The following GRIN2A variants were observed in gnomAD, a reference collection of about 807,000 sequenced individuals.
GRIN2A encodes glutamate receptor ionotropic, NMDA 2A.
In GRIN2A, 22 loss-of-function variants were observed where a neutral mutation model predicts 113.4. The observed-to-expected ratio is 0.19, with a 90% confidence interval of 0.14 to 0.28. The LOEUF (loss-of-function observed/expected upper bound fraction) is 0.28, where lower values mean the gene tolerates loss of function less well. Among genes scored for constraint, GRIN2A ranks in the 10% least tolerant of loss-of-function variants. The pLI is 1.00. For synonymous variants in GRIN2A, 827 were observed against 738.4 expected (o/e 1.12, Z -1.94); for missense variants, 1,502 against 1,887.0 (o/e 0.80, Z 3.78).
chr16:10,152,322 A>G lies in GRIN2A; in HGVS notation c.414+27676T>C, dbSNP rs531799524. On this transcript the variant is annotated intron_variant, in intron 2 of 12. Coordinates refer to ENST00000330684, the MANE Select transcript of GRIN2A (RefSeq NM_001134407.3). ...ATATGGCTGTCCATACGCACCATGT[A>G]CTTGGCCACCTACGTGTCTTTATTC... 4.6e-5 allele frequency among the ~76,000 whole-genome samples: 7 copies of G among 152,318 alleles called. No homozygotes were observed. In the South Asian group the frequency reaches 1.5e-3, roughly 32 times the overall value.
intron 2 of GRIN2A, among the ~76,000 whole-genome samples, chr16:10,105,365 AAC>A (rs1411765806): frequency 6.6e-6 from 1 of 152,210 alleles, no homozygotes; most frequent in Non-Finnish European, 1.5e-5. Context: ...TGGGAAATAG[AAC>A]AGTCACATCT....
At chr16:10,087,276 T>G (rs1331906889) in intron 2 of GRIN2A, among the ~76,000 whole-genome samples, 1 of 152,236 alleles carries the variant, frequency 6.6e-6, no homozygotes, top group African/African-American at 2.4e-5. Context: ...ATGTTATTGT[T>G]CAAATATCTG....
At chr16:9,936,121 G>C (rs1372769359) in intron 3 of GRIN2A, among the ~76,000 whole-genome samples, 2 of 152,194 alleles carry the variant, frequency 1.3e-5, no homozygotes, top group Non-Finnish European at 2.9e-5. Flanking sequence ...CAATGAATAT[G>C]ACAATCTCTA....
intron 10 of GRIN2A, among the ~76,000 whole-genome samples, chr16:9,821,964 T>C (rs2042292647): frequency 6.6e-6 from 1 of 152,204 alleles, no homozygotes; most frequent in Admixed American, 6.5e-5. Context: ...CCTTCTTGGA[T>C]CTTTCTATTT....
At chr16:9,955,881 G>C (rs2045295673) in intron 2 of GRIN2A, among the ~76,000 whole-genome samples, 1 of 152,176 alleles carries the variant, frequency 6.6e-6, no homozygotes. Context: ...CAACAAACCA[G>C]GAAACCCATC....
At chr16:9,900,935 T>C (rs933867092) in intron 3 of GRIN2A, among the ~76,000 whole-genome samples, 13 of 152,336 alleles carry the variant, frequency 8.5e-5, no homozygotes, top group East Asian at 3.9e-4. Flanking sequence ...CACCTGTGCC[T>C]ATGCTGCCAA....
intron 3 of GRIN2A, among the ~76,000 whole-genome samples, chr16:9,914,121 C>T (rs972907418): frequency 6.6e-6 from 1 of 151,416 alleles, no homozygotes; most frequent in African/African-American, 2.4e-5. Flanking sequence ...GATGCAGTTC[C>T]AGTATTAGAA....
In GRIN2A at chr16:9,765,228, C is replaced by G. The variant is rs564595140; in HGVS notation, c.2596-280G>C. Among the ~76,000 whole-genome samples, 4 of 152,322 alleles carry G rather than the reference C, an allele frequency of 2.6e-5. No homozygotes were observed. In the South Asian group the frequency reaches 6.2e-4, roughly 24 times the overall value. The stretch of plus-strand genomic sequence containing the variant: ...AAGGTATCAACCGATGCTCATACAA[C>G]TGTCAATGCCTCAGTGTCTCCAAAG... On this transcript the variant is annotated intron_variant, in intron 12 of 12. Transcript: ENST00000330684.
intron 2 of GRIN2A, among the ~76,000 whole-genome samples, chr16:10,033,041 G>T (rs1204367164): frequency 6.6e-6 from 1 of 152,122 alleles, no homozygotes; most frequent in Non-Finnish European, 1.5e-5. Context: ...TTGCACCTGT[G>T]GGCAAAGTTT....
Position 10,041,045 on chromosome 16 carries a change from T to C in GRIN2A, c.415-102494A>G, listed in dbSNP as rs2047159251. Among the ~76,000 whole-genome samples the C allele has an allele frequency of 4.6e-5, 7 of 152,360 alleles. No homozygotes were observed. In the South Asian group the frequency reaches 1.2e-3, roughly 27 times the overall value. On this transcript the variant is annotated intron_variant, in intron 2 of 12. Coordinates refer to ENST00000330684, the MANE Select transcript of GRIN2A (RefSeq NM_001134407.3). ...GGTTAAGGCACCCCCTCACCTCCAA[T>C]ACACAGGTGGTGGTCTGAGTGGGTA...
chr16:9,850,733 A>T (rs2042868738), intron 4 of GRIN2A, among the ~76,000 whole-genome samples: 1 of 152,116 alleles, frequency 6.6e-6, no homozygotes, highest in South Asian at 2.1e-4. Flanking sequence ...CACAGAGGGG[A>T]GACTGTCACT....
At chr16:10,147,445 A>T (rs1263940600) in intron 2 of GRIN2A, among the ~76,000 whole-genome samples, 1 of 128,190 alleles carries the variant, frequency 7.8e-6, no homozygotes, top group African/African-American at 2.8e-5. Flanking sequence ...CACCGTCTCT[A>T]CTAAAAATAC....
At chr16:10,091,457 TACAC>T (rs35961930) in intron 2 of GRIN2A, among the ~76,000 whole-genome samples, 28,099 of 145,402 alleles carry the variant, frequency 0.19, 3,037 homozygotes, top group East Asian at 0.37. Context: ...TGTGTGTGTA[TACAC>T]ACACACACAC....
chr16:9,766,070 T>A (rs1900907398), intron 12 of GRIN2A, among the ~76,000 whole-genome samples: 1 of 152,046 alleles, frequency 6.6e-6, no homozygotes, highest in African/African-American at 2.4e-5. Flanking sequence ...TTCCCCTGCT[T>A]CTCCCCACTC....
intron 3 of GRIN2A, among the ~76,000 whole-genome samples, chr16:9,930,751 T>C (rs2044572189): frequency 6.6e-6 from 1 of 152,210 alleles, no homozygotes; most frequent in South Asian, 2.1e-4. Flanking sequence ...CAGTGATCAT[T>C]CTGATTACTA....
chr16:10,055,046 T>TAAAAAAAAA (rs1567266287), intron 2 of GRIN2A, among the ~76,000 whole-genome samples: 25 of 12,488 alleles, frequency 2.0e-3, no homozygotes, highest in Non-Finnish European at 2.8e-3. Context: ...AGACTCTATC[T>TAAAAAAAAA]CAAAAAAAAA....
chr16:10,033,015 A>G (rs1283554382), intron 2 of GRIN2A, among the ~76,000 whole-genome samples: 1 of 152,174 alleles, frequency 6.6e-6, no homozygotes, highest in Non-Finnish European at 1.5e-5. Context: ...AGGATACCAC[A>G]GGTGCCCCAG....
At chr16:10,119,721 C>T (rs906604660) in intron 2 of GRIN2A, among the ~76,000 whole-genome samples, 3 of 152,064 alleles carry the variant, frequency 2.0e-5, no homozygotes, top group Non-Finnish European at 4.4e-5. Context: ...GTTTTTTATC[C>T]TCTCCCTCCT....
intron 3 of GRIN2A, among the ~76,000 whole-genome samples, chr16:9,930,742 A>G (rs113634748): frequency 0.013 from 1,923 of 152,356 alleles, 26 homozygotes; most frequent in African/African-American, 0.044. Flanking sequence ...AAAAACCAAC[A>G]GTGATCATTC....
Sources: allele counts gnomAD v4.1 joint callset (sites outside exome capture counted in the v4.1 genomes callset), GRCh38; gene constraint gnomAD v4.1.1; transcripts MANE v1.5; gene names NCBI Gene and HGNC (gene_info 2026-07-23, HGNC 2026-07-21).